Variants in CHSY3 observed in about 807,000 individuals in gnomAD.
The protein encoded by CHSY3 is chondroitin sulfate synthase 3, also known as N-acetylgalactosaminyl-proteoglycan 3-beta-glucuronosyltransferase 3.
A neutral mutation model predicts 67.2 loss-of-function variants in CHSY3; 35 were observed. That is an observed-to-expected ratio of 0.52 (90% confidence interval 0.40 to 0.69). The LOEUF (loss-of-function observed/expected upper bound fraction) is 0.69, where lower values mean the gene tolerates loss of function less well. Among genes scored for constraint, CHSY3 ranks in the 30% least tolerant of loss-of-function variants. The pLI is 0.00. For missense variants in CHSY3, 1,069 were observed against 1,138.5 expected (o/e 0.94, Z 0.88); for synonymous variants, 474 against 434.7 (o/e 1.09, Z -1.12).
At position 129,904,468 on chromosome 5, in the gene CHSY3, G is replaced by A. The variant is rs1433306005; in HGVS notation, c.-362G>A. 1.6e-5 allele frequency: 3 copies of A among 192,994 alleles called. No individual in the cohort carries two copies. The highest frequency in any genetic ancestry group is 3.2e-5 in the Non-Finnish European group (3 of 94,806). The allele number at this position is 192,994 out of a possible 1,614,324, so 12.0% of individuals were successfully genotyped here. A position where few individuals can be genotyped will look rare whatever the true frequency, so the allele number is the denominator to read the frequency against. On this transcript the variant is annotated 5_prime_UTR_variant, in exon 1 of 3. Transcript: ENST00000305031. ...GGAGGGAGGGCCCAGGCGCGCCACT[G>A]ACAGGGTGGCAGCCTAGGAGCGGAC...
intron 2 of CHSY3, among the ~76,000 whole-genome samples, chr5:129,976,353 A>C (rs949858939): frequency 1.3e-5 from 2 of 152,184 alleles, no homozygotes; most frequent in Non-Finnish European, 2.9e-5. Flanking sequence ...ATCTGAGTCC[A>C]AAGTGAAGAG....
intron 2 of CHSY3, among the ~76,000 whole-genome samples, chr5:129,995,132 C>G (rs1208809617): frequency 2.0e-5 from 3 of 152,068 alleles, no homozygotes; most frequent in South Asian, 2.1e-4. Flanking sequence ...TTTATCCACC[C>G]TAGTGATGTG....
chr5:130,033,133 G>A (rs1473605839), intron 2 of CHSY3, among the ~76,000 whole-genome samples: 2 of 152,158 alleles, frequency 1.3e-5, no homozygotes, highest in African/African-American at 4.8e-5. Context: ...GGAGAATCTG[G>A]TCAGGATATC....
At chr5:129,986,035 C>G (rs6859339) in intron 2 of CHSY3, among the ~76,000 whole-genome samples, 2,158 of 152,092 alleles carry the variant, frequency 0.014, 51 homozygotes, top group African/African-American at 0.049. Context: ...TTTCTTTTGC[C>G]TAATTGCTCT....
intron 2 of CHSY3, among the ~76,000 whole-genome samples, chr5:130,129,021 C>G (rs181803251): frequency 1.3e-5 from 2 of 151,286 alleles, no homozygotes; most frequent in African/African-American, 4.9e-5. Flanking sequence ...AGGAAATGTG[C>G]TCAGGCAAAC....
intron 2 of CHSY3, among the ~76,000 whole-genome samples, chr5:130,037,726 A>G (rs1049051982): frequency 6.6e-5 from 10 of 152,052 alleles, no homozygotes; most frequent in Non-Finnish European, 1.3e-4. Context: ...AATTTTTTAA[A>G]ATGAAAGGAA....
intron 2 of CHSY3, among the ~76,000 whole-genome samples, chr5:129,998,654 T>G (rs1580631893): frequency 6.6e-6 from 1 of 152,144 alleles, no homozygotes; most frequent in Admixed American, 6.5e-5. Context: ...TCAATCTGAT[T>G]ATTAAAAAAG....
At position 130,035,739 on chromosome 5, in the gene CHSY3, C is replaced by A. The variant is rs1056248562; in HGVS notation, c.1086+127379C>A. ...AAAATGAAAGCTTCTAAGCTAATTT[C>A]TTTCCTTTTTCAAATTCAAATGACA... On this transcript the variant is annotated intron_variant, in intron 2 of 2. Coordinates refer to ENST00000305031, the MANE Select transcript of CHSY3 (RefSeq NM_175856.5). 3.3e-5 allele frequency among the ~76,000 whole-genome samples: 5 copies of A among 152,114 alleles called. No homozygotes were observed. The South Asian group carries it at 1.0e-3, about 31-fold the overall frequency.
intron 2 of CHSY3, among the ~76,000 whole-genome samples, chr5:130,179,909 C>T (rs1770195201): frequency 6.6e-6 from 1 of 152,146 alleles, no homozygotes; most frequent in Non-Finnish European, 1.5e-5. Flanking sequence ...CATAGATTTT[C>T]TCTGCTGCTT....
At chr5:129,965,776 G>A (rs939382833) in intron 2 of CHSY3, among the ~76,000 whole-genome samples, 1 of 151,916 alleles carries the variant, frequency 6.6e-6, no homozygotes, top group African/African-American at 2.4e-5. Context: ...TTGTAGAGAT[G>A]TCTCATTTAA....
At chr5:129,976,864 T>C (rs1762823621) in intron 2 of CHSY3, among the ~76,000 whole-genome samples, 2 of 151,416 alleles carry the variant, frequency 1.3e-5, no homozygotes, top group African/African-American at 2.4e-5. Flanking sequence ...TCTAATACTT[T>C]GCTTTGTTAA....
intron 2 of CHSY3, among the ~76,000 whole-genome samples, chr5:130,152,643 A>G (rs1769263165): frequency 1.3e-5 from 2 of 152,218 alleles, no homozygotes; most frequent in Admixed American, 1.3e-4. Flanking sequence ...AATTAAAACT[A>G]TACATACAGC....
At chr5:130,176,828 C>T (rs572478878) in intron 2 of CHSY3, among the ~76,000 whole-genome samples, 1 of 152,184 alleles carries the variant, frequency 6.6e-6, no homozygotes, top group East Asian at 1.9e-4. Flanking sequence ...ACATCACACA[C>T]CAGGGCCTGT....
chr5:130,023,502 A>G (rs4601075), intron 2 of CHSY3, among the ~76,000 whole-genome samples: 143,532 of 152,012 alleles, frequency 0.94, 67,879 homozygotes, highest in East Asian at 1. Flanking sequence ...AAGAAATTTC[A>G]TAAATGTTTG....
chr5:129,929,946 TTA>T (rs1481093834), intron 2 of CHSY3, among the ~76,000 whole-genome samples: 1 of 152,164 alleles, frequency 6.6e-6, no homozygotes. Context: ...TTTCTCGAGT[TTA>T]AACAAAATGT....
intron 2 of CHSY3, among the ~76,000 whole-genome samples, chr5:129,915,818 C>T (rs1760713185): frequency 6.6e-6 from 1 of 152,058 alleles, no homozygotes; most frequent in Non-Finnish European, 1.5e-5. Context: ...CATAAAAATA[C>T]ATGTTGGGTT....
At chr5:130,087,583 A>G (rs1234037735) in intron 2 of CHSY3, among the ~76,000 whole-genome samples, 14 of 150,040 alleles carry the variant, frequency 9.3e-5, no homozygotes, top group South Asian at 2.1e-4. Context: ...ACAGACAAAC[A>G]GAGAGCCAAA....
intron 2 of CHSY3, among the ~76,000 whole-genome samples, chr5:129,957,790 C>T (rs898834067): frequency 7.9e-5 from 12 of 152,020 alleles, no homozygotes; most frequent in Admixed American, 5.9e-4. Context: ...TATGTCTAGG[C>T]GTTGTAGGTT....
intron 2 of CHSY3, among the ~76,000 whole-genome samples, chr5:130,041,301 G>A (rs1765000519): frequency 6.6e-6 from 1 of 152,134 alleles, no homozygotes; most frequent in Non-Finnish European, 1.5e-5. Flanking sequence ...CTAGACACCA[G>A]CTGAGACCAC....
Sources: gnomAD v4.1 joint callset for allele counts (sites outside exome capture counted in the v4.1 genomes callset) on GRCh38, gnomAD v4.1.1 for gene constraint, MANE v1.5 for transcripts, NCBI Gene and HGNC (gene_info 2026-07-23, HGNC 2026-07-21) for gene names.